Variants in FAN1 observed in about 807,000 individuals in gnomAD.
The protein encoded by FAN1 is fanconi-associated nuclease 1.
Under a neutral mutation model 104.9 loss-of-function variants are expected in FAN1, and 91 were observed. That is an observed-to-expected ratio of 0.87 (90% confidence interval 0.73 to 1.03). The LOEUF (loss-of-function observed/expected upper bound fraction) is 1.03. Among genes scored for constraint, FAN1 ranks in the 50% least tolerant of loss-of-function variants. The pLI, the probability that FAN1 is intolerant of heterozygous loss-of-function variation, is 0.00. For synonymous variants in FAN1, 478 were observed against 457.6 expected, an observed-to-expected ratio of 1.04 and a Z score of -0.57; for missense variants, 1,263 against 1,239.9, an observed-to-expected ratio of 1.02 and a Z score of -0.28.
intron 5 of FAN1, among the ~76,000 whole-genome samples, chr15:30,915,378 G>A (rs1359655868): frequency 3.3e-5 from 5 of 152,204 alleles, no homozygotes; most frequent in African/African-American, 9.6e-5. Flanking sequence ...CTGTTGTTCT[G>A]TAGCAGTGTA....
intron 13 of FAN1, among the ~76,000 whole-genome samples, chr15:30,933,823 C>T (rs1349339865): frequency 1.3e-5 from 2 of 151,508 alleles, no homozygotes; most frequent in African/African-American, 2.4e-5. Flanking sequence ...AGTGGCAGTG[C>T]GATCCTGGAT....
rs1290097907 is a variant in FAN1, at chr15:30,911,052, C to T, written c.1577+237C>T. On this transcript the variant is annotated intron_variant, in intron 4 of 14. Coordinates refer to ENST00000362065, the MANE Select transcript of FAN1 (RefSeq NM_014967.5). ...CAAGAAAAATCGGAAGGCAATAGGC[C>T]TTTGGTAAATTGTAGTATTTTATTT... 1.4e-5 allele frequency: 17 copies of T among 1,243,800 alleles called. No homozygotes were observed. In the Admixed American group the frequency reaches 3.7e-4, roughly 27 times the overall value. 77.0% of individuals were successfully genotyped at this position (1,243,800 alleles called of 1,614,324 possible). A position where few individuals can be genotyped will look rare whatever the true frequency, so the allele number is the denominator to read the frequency against.
intron 10 of FAN1, chr15:30,928,324 C>T: frequency 7.7e-7 from 1 of 1,296,158 alleles, no homozygotes. Context: ...TTGAATTTTT[C>T]TATGATTACT....
chr15:30,928,367 C>CTGTAT (rs2062518918), intron 10 of FAN1, 186 bp from the exon 11 acceptor site: 2 of 1,417,976 alleles, frequency 1.4e-6, no homozygotes, highest in African/African-American at 2.9e-5. Flanking sequence ...TGTATATAAA[C>CTGTAT]AACATACTGT....
In FAN1 at chr15:30,921,844, C is replaced by CCTCATTACTT. The variant is rs2062338505; in HGVS notation, c.2053-391_2053-390insCTCATTACTT. Among the ~76,000 whole-genome samples, 3 of 152,324 alleles carry CCTCATTACTT rather than the reference C, an allele frequency of 2.0e-5. No homozygotes were observed. The South Asian group carries it at 6.2e-4, about 32-fold the overall frequency. On this transcript the variant is annotated intron_variant, in intron 7 of 14. Coordinates refer to ENST00000362065, the MANE Select transcript of FAN1 (RefSeq NM_014967.5). ...TTACTTTCCTGCCCACCCCAAATCC[C>CCTCATTACTT]TCTTGCAGTTGGTCCTGTGACCTGC...
Position 30,920,551 on chromosome 15 carries a change from C to T in FAN1, c.1950C>T (p.His650=), listed in dbSNP as rs778650145. ...GTATATGTCTTCATTTTAGATGCCA[C>T]GAAGATTTACCACTCTTCCTGCGGT... ...RLKNHPSLRC[H]EDLPLFLRCF... is the part of the protein sequence containing the mutation. Residue 650 remains histidine (H), a synonymous_variant, in exon 7 of 15, where the codon CAC becomes CAT. Coordinates refer to ENST00000362065, the MANE Select transcript of FAN1 (RefSeq NM_014967.5). The T allele has an allele frequency of 8.1e-6, 13 of 1,603,794 alleles. No homozygotes were observed. The highest frequency in any genetic ancestry group is 2.2e-5 in the East Asian group (1 of 44,688).
At position 30,942,396 on chromosome 15, in the gene FAN1, G is replaced by A. The variant is rs1198562820; in HGVS notation, c.*834G>A. 8.1e-6 allele frequency: 3 copies of A among 368,300 alleles called. No individual in the cohort carries two copies. The highest frequency in any genetic ancestry group is 1.5e-5 in the Non-Finnish European group (3 of 204,908). The allele number at this position is 368,300 out of a possible 1,614,324, so 22.8% of individuals were successfully genotyped here. ...CCTGGCCGATTCTATCAAGAACAAT[G>A]GCAAACTGAACAGAGGCAGTCAGGA... is the stretch of plus-strand genomic sequence containing the variant. On this transcript the variant is annotated 3_prime_UTR_variant, in exon 15 of 15. Transcript: ENST00000362065.
chr15:30,906,391 A>G (rs948459132), intron 2 of FAN1: 2 of 456,848 alleles, frequency 4.4e-6, no homozygotes, highest in Admixed American at 4.7e-5. Flanking sequence ...TGTGCCTTTT[A>G]AAGACAGGGT....
Position 30,928,547 on chromosome 15 carries a change from T to A in FAN1, c.2489-6T>A, listed in dbSNP as rs535122436. On this transcript the variant is annotated splice_polypyrimidine_tract_variant and splice_region_variant and intron_variant, in intron 10 of 14. Transcript: ENST00000362065. ...GTGTGTGTGTGTGTGTGTGACCTTGTCTTAGGGATTCATGGCGAAGGGTCC... is the reference window on the plus strand; with the variant it reads ...GTGTGTGTGTGTGTGTGTGACCTTGACTTAGGGATTCATGGCGAAGGGTCC... 3 of 1,547,998 alleles carry A rather than the reference T, an allele frequency of 1.9e-6. No homozygotes were observed. In the African/African-American group the frequency reaches 4.3e-5, roughly 22 times the overall value.
intron 8 of FAN1, among the ~76,000 whole-genome samples, chr15:30,923,704 C>T (rs1444726869): frequency 1.3e-5 from 2 of 152,230 alleles, no homozygotes; most frequent in African/African-American, 4.8e-5. Context: ...CTTCTGCCAG[C>T]GAACAGGGTG....
chr15:30,940,178 G>A (rs2062991249), intron 14 of FAN1: 1 of 985,448 alleles, frequency 1.0e-6, no homozygotes, highest in Non-Finnish European at 1.2e-6. Context: ...CGGGGAATGA[G>A]GAGTGTGGGG....
At chr15:30,923,631 G>T (rs566049962) in intron 8 of FAN1, among the ~76,000 whole-genome samples, 1 of 152,162 alleles carries the variant, frequency 6.6e-6, no homozygotes, top group Non-Finnish European at 1.5e-5. Flanking sequence ...GCCTGGCCAG[G>T]GCAGAGGTGG....
intron 3 of FAN1, 22 bp from the exon 4 acceptor site, chr15:30,910,592 C>A (rs1228322771): frequency 6.6e-6 from 9 of 1,361,202 alleles, no homozygotes; most frequent in East Asian, 5.0e-5. Context: ...TTTAAAAAAA[C>A]TTTTTTTTTT....
chr15:30,925,178 C>G lies in FAN1; in HGVS notation c.2224C>G (p.His742Asp). ...GLADPEVRTG[H>D]RLSLYQRAVR... ...GGCGGATCCGGAAGTCAGAACGGGA[C>G]ACCGCCTTTCACTGTATCAGCGAGC... Residue 742 changes from histidine (H) to aspartate (D), a missense_variant, in exon 9 of 15, where the codon CAC becomes GAC. This residue lies in a region of FAN1 where 581 missense variants were observed against 668.8 expected (regional missense o/e 0.87). Transcript: ENST00000362065. 6.2e-7 allele frequency: 1 copy of G among 1,614,018 alleles called. No individual in the cohort carries two copies. The highest frequency in any genetic ancestry group is 8.5e-7 in the Non-Finnish European group (1 of 1,180,028).
intron 14 of FAN1, chr15:30,939,294 G>A (rs1037116788): frequency 1.0e-6 from 1 of 985,462 alleles, no homozygotes; most frequent in Non-Finnish European, 1.2e-6. Flanking sequence ...TTCACCCAGT[G>A]CATCAGCATC....
At chr15:30,929,708 CAT>C (rs1305775730) in intron 12 of FAN1, among the ~76,000 whole-genome samples, 1,258 of 76,364 alleles carry the variant, frequency 0.016, 174 homozygotes, top group African/African-American at 0.038. Flanking sequence ...TATATTATAT[CAT>C]ATATAATATA....
At chr15:30,923,645 C>T (rs1306861007) in intron 8 of FAN1, among the ~76,000 whole-genome samples, 1 of 152,202 alleles carries the variant, frequency 6.6e-6, no homozygotes, top group Non-Finnish European at 1.5e-5. Context: ...GAGGTGGAGC[C>T]AGCTGGGCCC....
chr15:30,929,208 C>T lies in FAN1; in HGVS notation c.2598C>T (p.Phe866=), dbSNP rs2062550099. ...PDVFRNACQA[F]PLDLCTDSFF... ...TTGCTTTCCCTGTGACACAGGCATT[C>T]CCCCTGGACTTGTGCACAGACAGCT... The change falls in exon 12 of 15, where the codon TTC becomes TTT. Residue 866 remains phenylalanine, a synonymous_variant. Transcript: ENST00000362065. 1 of 1,610,848 alleles carries T rather than the reference C, an allele frequency of 6.2e-7. No homozygotes were observed. Among genetic ancestry groups the T allele is most frequent in the Non-Finnish European group, 8.5e-7 (1 of 1,178,790 alleles).
intron 14 of FAN1, chr15:30,940,139 G>A: frequency 1.0e-6 from 1 of 985,428 alleles, no homozygotes; most frequent in Non-Finnish European, 1.2e-6. Flanking sequence ...TTAAGAAACA[G>A]TCAAATTTGA....
Sources: allele counts gnomAD v4.1 joint callset (sites outside exome capture counted in the v4.1 genomes callset), GRCh38; gene constraint gnomAD v4.1.1; regional missense constraint gnomAD v4.1.1; transcripts MANE v1.5; gene names NCBI Gene and HGNC (gene_info 2026-07-23, HGNC 2026-07-21).